The following EIF4G3 variants were observed in gnomAD, a reference collection of about 807,000 sequenced individuals.
EIF4G3 encodes eukaryotic translation initiation factor 4 gamma 3, also known as eIF-4-gamma 3.
In EIF4G3, 34 loss-of-function variants were observed where a neutral mutation model predicts 186.4. The observed-to-expected ratio is 0.18, with a 90% CI of 0.14 to 0.24. EIF4G3 has a LOEUF of 0.24. EIF4G3 is among the 10% of genes least tolerant of loss of function. EIF4G3 has a pLI of 1.00. For synonymous variants in EIF4G3, 673 were observed against 679.5 expected, an observed-to-expected ratio of 0.99 and a Z score of 0.15; for missense variants, 1,536 against 1,948.5, an observed-to-expected ratio of 0.79 and a Z score of 3.99.
chr1:20,941,629 C>G lies in EIF4G3; in HGVS notation c.1525G>C (p.Glu509Gln). The G allele has an allele frequency of 6.2e-7, 1 of 1,614,176 alleles. No individual in the cohort carries two copies. Among genetic ancestry groups the G allele is most frequent in the Non-Finnish European group, 8.5e-7 (1 of 1,180,024 alleles). Residue 509 changes from glutamate (E) to glutamine (Q), a missense_variant, in exon 14 of 37, where the codon GAG (glutamate) becomes CAG (glutamine). Glu to Gln is a conservative substitution (Grantham distance 29, BLOSUM62 2). Coordinates refer to ENST00000602326, the MANE Select transcript of EIF4G3 (RefSeq NM_001391906.1). ...SAAITVQRVL[E>Q]EDESIRTCLS... The stretch of plus-strand genomic sequence containing the variant: ...CAAGTTCTTATGCTCTCGTCCTCCT[C>G]TAGGACTCTCTGGACTGTGATGGCA...
At chr1:21,088,328 TAG>T (rs992247459) in intron 3 of EIF4G3, among the ~76,000 whole-genome samples, 1 of 151,048 alleles carries the variant, frequency 6.6e-6, no homozygotes, top group African/African-American at 2.4e-5. Context: ...GCTGAGGCAG[TAG>T]AATCACTTGA....
intron 15 of EIF4G3, among the ~76,000 whole-genome samples, chr1:20,904,309 T>A (rs1262126543): frequency 6.6e-6 from 1 of 152,202 alleles, no homozygotes; most frequent in Non-Finnish European, 1.5e-5. Context: ...AAACAAAAGT[T>A]CTAGTTGGGG....
At chr1:21,073,856 G>A (rs2095511443) in intron 3 of EIF4G3, 1 of 286,060 alleles carries the variant, frequency 3.5e-6, no homozygotes, top group Non-Finnish European at 7.1e-6. Context: ...GTCCAGGCTG[G>A]AGTGCAGTGG....
At chr1:20,912,418 T>C (rs2093356550) in intron 14 of EIF4G3, among the ~76,000 whole-genome samples, 1 of 113,482 alleles carries the variant, frequency 8.8e-6, no homozygotes, top group Non-Finnish European at 2.0e-5. Flanking sequence ...TAAGAGACTC[T>C]GAATTACAAA....
chr1:21,044,909 T>C (rs2093794509), intron 4 of EIF4G3, among the ~76,000 whole-genome samples: 1 of 152,138 alleles, frequency 6.6e-6, no homozygotes. Flanking sequence ...GCTGGAGGAC[T>C]GTATGAGGCC....
chr1:20,944,018 G>A (rs890146690), intron 13 of EIF4G3, among the ~76,000 whole-genome samples: 1 of 147,494 alleles, frequency 6.8e-6, no homozygotes, highest in Non-Finnish European at 1.5e-5. Flanking sequence ...GTGTGTGTGT[G>A]TGTGTGTGTG....
chr1:21,152,267 G>A (rs2097563140), intron 2 of EIF4G3, among the ~76,000 whole-genome samples: 1 of 143,298 alleles, frequency 7.0e-6, no homozygotes, highest in Non-Finnish European at 1.5e-5. Flanking sequence ...AGCCTGGAAG[G>A]TCAGTGCTGC....
At chr1:21,145,336 A>AAC (rs1212015290) in intron 2 of EIF4G3, among the ~76,000 whole-genome samples, 4 of 151,452 alleles carry the variant, frequency 2.6e-5, no homozygotes, top group Non-Finnish European at 5.9e-5. Flanking sequence ...CAAACAAACA[A>AAC]AAAAAACCCT....
At chr1:20,842,547 A>C (rs1231547326) in intron 29 of EIF4G3, among the ~76,000 whole-genome samples, 1 of 151,998 alleles carries the variant, frequency 6.6e-6, no homozygotes, top group Non-Finnish European at 1.5e-5. Flanking sequence ...TTGTATTTTT[A>C]GTAGAGACAA....
chr1:21,101,562 G>GGAAAAAAAAAAAAAA (rs1553241664), intron 2 of EIF4G3, among the ~76,000 whole-genome samples: 1 of 35,370 alleles, frequency 2.8e-5, no homozygotes, highest in African/African-American at 8.6e-5. Flanking sequence ...AGGGTCTCAG[G>GGAAAAAAAAAAAAAA]AAAAAAAAAA....
chr1:21,043,441 T>G (rs1301034518), intron 4 of EIF4G3, among the ~76,000 whole-genome samples: 12 of 152,130 alleles, frequency 7.9e-5, no homozygotes, highest in Admixed American at 7.9e-4. Context: ...TACTTAACCA[T>G]CACTCTTGCA....
chr1:21,150,107 G>A (rs778332129), intron 2 of EIF4G3, among the ~76,000 whole-genome samples: 1 of 152,156 alleles, frequency 6.6e-6, no homozygotes, highest in Admixed American at 6.5e-5. Context: ...CCTGAGCCAG[G>A]ACATTCTCCC....
intron 29 of EIF4G3, among the ~76,000 whole-genome samples, chr1:20,844,788 C>T (rs949142268): frequency 2.0e-5 from 3 of 151,938 alleles, no homozygotes; most frequent in South Asian, 2.1e-4. Flanking sequence ...GCCAAGATTG[C>T]GCCACTGCAC....
intron 13 of EIF4G3, among the ~76,000 whole-genome samples, chr1:20,949,701 C>A (rs1170937881): frequency 6.6e-6 from 1 of 152,110 alleles, no homozygotes; most frequent in Admixed American, 6.5e-5. Context: ...GTAATATATG[C>A]TAGGATTTCT....
Position 21,097,756 on chromosome 1 carries a change from A to G in EIF4G3, c.-271-8543T>C, listed in dbSNP as rs7519282. On this transcript the variant is annotated intron_variant, in intron 2 of 36. Coordinates refer to ENST00000602326, the MANE Select transcript of EIF4G3 (RefSeq NM_001391906.1). Reference sequence around the variant, plus strand: ...ATGGTGCTGAAACAACTGAAAAACCATATGCAAACCAATGACACTCTCTAC... The same window carrying G: ...ATGGTGCTGAAACAACTGAAAAACCGTATGCAAACCAATGACACTCTCTAC... Among the ~76,000 whole-genome samples the G allele has an allele frequency of 6.2e-3, 947 of 152,362 alleles. 8 individuals carry two copies. Among genetic ancestry groups the G allele is most frequent in the African/African-American group, 0.022 (904 of 41,588 alleles).
At chr1:20,819,603 G>A (rs772557865) in intron 33 of EIF4G3, among the ~76,000 whole-genome samples, 64 of 152,214 alleles carry the variant, frequency 4.2e-4, no homozygotes, top group African/African-American at 6.0e-4. Context: ...CAAATACTGC[G>A]TGTTCTCACT....
At position 20,813,337 on chromosome 1, in the gene EIF4G3, G is replaced by C. The variant is rs528958508; in HGVS notation, c.4516-98C>G. 180 of 721,186 alleles carry C rather than the reference G, an allele frequency of 2.5e-4. 2 individuals carry two copies. In the South Asian group the frequency reaches 2.6e-3, roughly 11 times the overall value. 44.7% of individuals were successfully genotyped at this position (721,186 alleles called of 1,614,324 possible). On this transcript the variant is annotated intron_variant, in intron 34 of 36. Coordinates refer to ENST00000602326, the MANE Select transcript of EIF4G3 (RefSeq NM_001391906.1). Reference sequence around the variant, plus strand: ...CCAACACTTTGGGAGGCCGAGACAGGAGGATCACTTGAGGCTAGGAGTTGA... The same window carrying C: ...CCAACACTTTGGGAGGCCGAGACAGCAGGATCACTTGAGGCTAGGAGTTGA...
chr1:20,869,177 CAGT>C (rs2078403802), intron 20 of EIF4G3, among the ~76,000 whole-genome samples: 3 of 152,214 alleles, frequency 2.0e-5, no homozygotes, highest in South Asian at 2.1e-4. Context: ...CATGGCCCAG[CAGT>C]AGTTTTGCCC....
At chr1:20,850,747 G>A (rs1208843556) in intron 28 of EIF4G3, among the ~76,000 whole-genome samples, 1 of 152,112 alleles carries the variant, frequency 6.6e-6, no homozygotes, top group African/African-American at 2.4e-5. Context: ...TGAAACACAG[G>A]TTAAATACAT....
Sources: gnomAD v4.1 joint callset for allele counts (sites outside exome capture counted in the v4.1 genomes callset) on GRCh38, gnomAD v4.1.1 for gene constraint, MANE v1.5 for transcripts, NCBI Gene and HGNC (gene_info 2026-07-23, HGNC 2026-07-21) for gene names.